The following FRMD3 variants were observed in gnomAD, a reference collection of about 807,000 sequenced individuals.
The protein encoded by FRMD3 is FERM domain containing 3.
FRMD3 carries 33 observed loss-of-function variants against 70.2 expected under a neutral mutation model. The observed-to-expected ratio is 0.47, with a 90% confidence interval of 0.36 to 0.63. FRMD3 has a LOEUF of 0.63. Ranked by LOEUF, FRMD3 falls within the 20% of genes least tolerant of loss-of-function variation. The probability of loss-of-function intolerance (pLI) is 0.00; values close to 1 mark genes in which losing one functional copy is unlikely to be tolerated. For missense variants in FRMD3, 632 were observed against 711.4 expected, an observed-to-expected ratio of 0.89 and a Z score of 1.27; for synonymous variants, 279 against 255.9, an observed-to-expected ratio of 1.09 and a Z score of -0.86.
intron 1 of FRMD3, among the ~76,000 whole-genome samples, chr9:83,437,454 G>A (rs955186643): frequency 6.6e-6 from 1 of 152,160 alleles, no homozygotes; most frequent in Non-Finnish European, 1.5e-5. Flanking sequence ...ATTTGTATGA[G>A]AGTCATACTT....
chr9:83,524,936 C>T (rs572589496), intron 1 of FRMD3, among the ~76,000 whole-genome samples: 7 of 152,108 alleles, frequency 4.6e-5, no homozygotes, highest in East Asian at 1.9e-4. Flanking sequence ...GTGTATCGAC[C>T]GGCCAAAAAA....
intron 2 of FRMD3, among the ~76,000 whole-genome samples, chr9:83,387,913 G>T (rs147472403): frequency 1.3e-5 from 2 of 152,094 alleles, no homozygotes; most frequent in African/African-American, 4.8e-5. Context: ...TTCACACTAC[G>T]CAAACATCTA....
At chr9:83,272,332 T>G (rs1466404737) in intron 13 of FRMD3, among the ~76,000 whole-genome samples, 1 of 151,862 alleles carries the variant, frequency 6.6e-6, no homozygotes, top group African/African-American at 2.4e-5. Flanking sequence ...GGTCTCCAGC[T>G]CCTAACCCCA....
At chr9:83,363,566 T>TTA (rs981074794) in intron 3 of FRMD3, among the ~76,000 whole-genome samples, 1 of 148,170 alleles carries the variant, frequency 6.7e-6, no homozygotes, top group African/African-American at 2.5e-5. Context: ...TTTTTTTTTT[T>TTA]TTTTTTTGAG....
At chr9:83,297,628 T>C in intron 12 of FRMD3, 1 of 417,652 alleles carries the variant, frequency 2.4e-6, no homozygotes, top group East Asian at 7.1e-5. Flanking sequence ...CCATAAAGAC[T>C]TTTCTCATTG....
At chr9:83,284,579 G>A (rs10867971) in intron 13 of FRMD3, among the ~76,000 whole-genome samples, 71,952 of 152,076 alleles carry the variant, frequency 0.47, 19,825 homozygotes, top group South Asian at 0.76. Flanking sequence ...CTGCACTCCA[G>A]CCTGGCAACA....
intron 5 of FRMD3, among the ~76,000 whole-genome samples, chr9:83,340,497 G>T (rs976714049): frequency 6.6e-6 from 1 of 152,152 alleles, no homozygotes; most frequent in Non-Finnish European, 1.5e-5. Flanking sequence ...AAGTGACTTC[G>T]GGACTGAGTT....
At chr9:83,254,594 G>A (rs1751225062) in intron 13 of FRMD3, among the ~76,000 whole-genome samples, 1 of 151,444 alleles carries the variant, frequency 6.6e-6, no homozygotes. Flanking sequence ...AATGAATCTA[G>A]ACGCTGAATT....
In FRMD3 at chr9:83,362,974, C is replaced by A. The variant is rs12686190; in HGVS notation, c.295+9939G>T. ...TTCTTTCTTCCTTCCTTCCTTTCCT[C>A]CCTCCTTCCTTCCTTTCTTCCTTCC... On this transcript the variant is annotated intron_variant, in intron 3 of 13. Coordinates refer to ENST00000304195, the MANE Select transcript of FRMD3 (RefSeq NM_174938.6). Among the ~76,000 whole-genome samples, 1,346 of 149,604 alleles carry A rather than the reference C, an allele frequency of 9.0e-3. 53 individuals carry two copies. In the East Asian group the frequency reaches 0.17, roughly 19 times the overall value.
chr9:83,425,919 A>AAC (rs1826794488), intron 1 of FRMD3, among the ~76,000 whole-genome samples: 2 of 150,972 alleles, frequency 1.3e-5, no homozygotes, highest in African/African-American at 4.9e-5. Flanking sequence ...AAAAAAAAAA[A>AAC]AAAAAAAAAC....
chr9:83,444,876 C>T (rs532453209), intron 1 of FRMD3, among the ~76,000 whole-genome samples: 66 of 152,308 alleles, frequency 4.3e-4, no homozygotes, highest in African/African-American at 1.4e-3. Flanking sequence ...TTTCAAGTTG[C>T]TTCCAGGAAG....
intron 6 of FRMD3, among the ~76,000 whole-genome samples, chr9:83,317,466 C>T (rs967386007): frequency 2.6e-5 from 4 of 152,134 alleles, no homozygotes; most frequent in East Asian, 3.9e-4. Context: ...CCTCATTCTA[C>T]CACCCACTAA....
chr9:83,245,378 G>T lies in FRMD3; in HGVS notation c.*2540C>A. ...TAAATGGATGTTTCTAAAAGGCTCT[G>T]ATTCTATGCCGAGCAAATGGCATTT... On this transcript the variant is annotated 3_prime_UTR_variant, in exon 14 of 14. Coordinates refer to ENST00000304195, the MANE Select transcript of FRMD3 (RefSeq NM_174938.6). 1.0e-6 allele frequency: 1 copy of T among 985,398 alleles called. No homozygotes were observed. The highest frequency in any genetic ancestry group is 5.2e-4 in the Middle Eastern group (1 of 1,912). The allele number at this position is 985,398 out of a possible 1,614,324, so 61.0% of individuals were successfully genotyped here.
intron 1 of FRMD3, among the ~76,000 whole-genome samples, chr9:83,514,831 G>A (rs2131535989): frequency 6.6e-6 from 1 of 152,334 alleles, no homozygotes; most frequent in Admixed American, 6.5e-5. Flanking sequence ...GGGGTCTGGA[G>A]TGGACCCCCA....
intron 6 of FRMD3, among the ~76,000 whole-genome samples, chr9:83,326,163 G>T (rs1264218131): frequency 1.3e-5 from 2 of 152,174 alleles, no homozygotes; most frequent in African/African-American, 2.4e-5. Context: ...TGTAAAAAGA[G>T]TACCTACCTC....
At chr9:83,493,138 A>G (rs1828867612) in intron 1 of FRMD3, among the ~76,000 whole-genome samples, 1 of 152,058 alleles carries the variant, frequency 6.6e-6, no homozygotes, top group African/African-American at 2.4e-5. Context: ...AAACCCACAC[A>G]CATACCTTCT....
intron 1 of FRMD3, among the ~76,000 whole-genome samples, chr9:83,506,598 A>G (rs1238637559): frequency 6.6e-6 from 1 of 152,186 alleles, no homozygotes; most frequent in Non-Finnish European, 1.5e-5. Flanking sequence ...CAGGACTGGA[A>G]GTTGCTCTGG....
Position 83,343,189 on chromosome 9 carries a change from C to T in FRMD3, c.472+1G>A, listed in dbSNP as rs1174494026. ...CGTGGGTGAGCTGTGGCCAGACTTACCTTGAACAATACAGGCACCCAGGTA... is the reference window on the plus strand; with the variant it reads ...CGTGGGTGAGCTGTGGCCAGACTTATCTTGAACAATACAGGCACCCAGGTA... On this transcript the variant is annotated splice_donor_variant, in intron 5 of 13. Transcript: ENST00000304195. LOFTEE classifies it high-confidence loss of function. The T allele has an allele frequency of 6.2e-7, 1 of 1,609,812 alleles. No individual in the cohort carries two copies. The highest frequency in any genetic ancestry group is 8.5e-7 in the Non-Finnish European group (1 of 1,176,230).
At chr9:83,442,668 C>T (rs1460123907) in intron 1 of FRMD3, among the ~76,000 whole-genome samples, 3 of 151,940 alleles carry the variant, frequency 2.0e-5, no homozygotes, top group African/African-American at 4.8e-5. Context: ...TCCCCCTCCA[C>T]GACCACCCCA....
Sources: gnomAD v4.1 joint callset for allele counts (sites outside exome capture counted in the v4.1 genomes callset) on GRCh38, gnomAD v4.1.1 for gene constraint, MANE v1.5 for transcripts, NCBI Gene and HGNC (gene_info 2026-07-23, HGNC 2026-07-21) for gene names.